Variants in PATL1 observed in about 807,000 individuals in gnomAD.
PATL1 encodes PAT1 homolog 1, processing body mRNA decay factor.
PATL1 carries 32 observed loss-of-function variants against 100.6 expected under a neutral mutation model. The ratio of observed to expected loss-of-function variants is 0.32; its 90% CI spans 0.24 to 0.43. The LOEUF is 0.43. Ranked by LOEUF, PATL1 falls within the 20% of genes least tolerant of loss-of-function variation. The probability of loss-of-function intolerance (pLI) is 1.00; values close to 1 mark genes in which losing one functional copy is unlikely to be tolerated. For synonymous variants in PATL1, 332 were observed against 330.0 expected (o/e 1.01, Z -0.07); for missense variants, 747 against 949.9 (o/e 0.79, Z 2.81).
intron 14 of PATL1, among the ~76,000 whole-genome samples, 185 bp downstream of exon 14, chr11:59,649,277 C>A (rs1482477455): frequency 6.6e-6 from 1 of 151,246 alleles, no homozygotes; most frequent in African/African-American, 2.4e-5. Flanking sequence ...CTTTTTTTTT[C>A]TTTCCTCACT....
chr11:59,663,219 ACCTATACTCT>A (rs1248415757), intron 2 of PATL1, among the ~76,000 whole-genome samples: 1 of 151,846 alleles, frequency 6.6e-6, no homozygotes, highest in Non-Finnish European at 1.5e-5. Flanking sequence ...TAACGAACTA[ACCTATACTCT>A]GATACGGGTT....
At position 59,655,512 on chromosome 11, in the gene PATL1, A is replaced by T; in HGVS notation, c.1031+11T>A. 1.3e-6 allele frequency: 2 copies of T among 1,547,098 alleles called. No homozygotes were observed. The highest frequency in any genetic ancestry group is 1.8e-6 in the Non-Finnish European group (2 of 1,142,198). On this transcript the variant is annotated intron_variant, in intron 8 of 18. Coordinates refer to ENST00000300146, the MANE Select transcript of PATL1 (RefSeq NM_152716.3). ...TGATAACTGATAAACAGTGGCGTTG[A>T]TTTTGTATACCTTAGGTTTTGCAGG...
At chr11:59,647,973 T>C (rs1861386958) in intron 14 of PATL1, 60 bp from the exon 15 acceptor site, 3 of 1,494,796 alleles carry the variant, frequency 2.0e-6, no homozygotes, top group Middle Eastern at 1.7e-4. Flanking sequence ...CCCTCATTTT[T>C]TTCCTCTTAG....
chr11:59,638,475 A>G, intron 18 of PATL1, 64 bp from the exon 19 acceptor site: 3 of 1,388,076 alleles, frequency 2.2e-6, no homozygotes, highest in Non-Finnish European at 3.0e-6. Context: ...GCAATCTTTC[A>G]TATTACAGTT....
chr11:59,664,824 C>T (rs1299557428), intron 2 of PATL1, among the ~76,000 whole-genome samples: 2 of 152,214 alleles, frequency 1.3e-5, no homozygotes, highest in Non-Finnish European at 2.9e-5. Context: ...CCTGCCTTGA[C>T]CTCCCAAAGT....
intron 8 of PATL1, among the ~76,000 whole-genome samples, chr11:59,654,726 T>G (rs1861500934): frequency 6.6e-6 from 1 of 152,190 alleles, no homozygotes; most frequent in South Asian, 2.1e-4. Context: ...AAGATATATG[T>G]GTGACAGTTA....
chr11:59,650,866 T>G, intron 12 of PATL1, 53 bp from the exon 13 acceptor site: 1 of 1,250,786 alleles, frequency 8.0e-7, no homozygotes, highest in Non-Finnish European at 1.1e-6. Context: ...TTAAAATAAT[T>G]TACCAAGTGC....
chr11:59,667,776 C>G (rs2134766417), intron 1 of PATL1, among the ~76,000 whole-genome samples: 1 of 152,312 alleles, frequency 6.6e-6, no homozygotes, highest in East Asian at 1.9e-4. Context: ...CCACCACATC[C>G]TAGGTGTGTT....
At chr11:59,657,501 T>A (rs983690696) in intron 5 of PATL1, 29 bp downstream of exon 5, 1 of 1,531,894 alleles carries the variant, frequency 6.5e-7, no homozygotes, top group African/African-American at 1.4e-5. Flanking sequence ...CCCAATATCC[T>A]GGGCTGTGTG....
In PATL1 at chr11:59,651,547, A is replaced by C; in HGVS notation, c.1521T>G (p.Asp507Glu). 4 of 1,606,184 alleles carry C rather than the reference A, an allele frequency of 2.5e-6. No individual in the cohort carries two copies. The highest frequency in any genetic ancestry group is 1.3e-5 in the African/African-American group (1 of 74,766). Residue 507 changes from aspartate to glutamate, a missense_variant, in exon 12 of 19, where the codon GAT (aspartate) becomes GAG (glutamate). This residue lies in a region of PATL1 where 434 missense variants were observed against 596.1 expected (regional missense o/e 0.73). Coordinates refer to ENST00000300146, the MANE Select transcript of PATL1 (RefSeq NM_152716.3). ...IDAVVTSRSE[D>E]DETKEKQVRD... is the part of the protein sequence containing the mutation. ...AGACAATTGTGTTGACACTTACATC[A>C]TCCTCACTCCGAGATGTCACAACAG...
chr11:59,654,150 A>G, intron 8 of PATL1, 78 bp from the exon 9 acceptor site: 2 of 1,232,988 alleles, frequency 1.6e-6, no homozygotes, highest in Non-Finnish European at 2.4e-6. Flanking sequence ...TCAGTAGAGG[A>G]TAACTTCATA....
At chr11:59,662,078 C>A (rs904905019) in intron 2 of PATL1, among the ~76,000 whole-genome samples, 1 of 152,112 alleles carries the variant, frequency 6.6e-6, no homozygotes, top group African/African-American at 2.4e-5. Context: ...AATTTTTAAT[C>A]ATACAACGAT....
chr11:59,643,184 T>C, intron 15 of PATL1, 149 bp from the exon 16 acceptor site: 1 of 825,548 alleles, frequency 1.2e-6, no homozygotes, highest in Non-Finnish European at 1.8e-6. Context: ...AATAATGAAT[T>C]CTAAGCTATC....
chr11:59,666,138 C>A (rs543408732), intron 2 of PATL1, among the ~76,000 whole-genome samples: 1 of 152,006 alleles, frequency 6.6e-6, no homozygotes, highest in East Asian at 2.0e-4. Flanking sequence ...CCCGGCTACT[C>A]GGGAGCCTGA....
intron 9 of PATL1, among the ~76,000 whole-genome samples, chr11:59,653,776 G>C (rs1052307562): frequency 1.3e-5 from 2 of 151,958 alleles, no homozygotes; most frequent in African/African-American, 2.4e-5. Context: ...GTGCCTTTTA[G>C]TTTTACATAA....
intron 15 of PATL1, among the ~76,000 whole-genome samples, chr11:59,646,965 A>C (rs1861373504): frequency 6.6e-6 from 1 of 152,136 alleles, no homozygotes; most frequent in South Asian, 2.1e-4. Context: ...CAAGCCTGTA[A>C]TCCCAGCACT....
At chr11:59,643,464 T>A (rs370776771) in intron 15 of PATL1, among the ~76,000 whole-genome samples, 1 of 151,176 alleles carries the variant, frequency 6.6e-6, no homozygotes, top group Non-Finnish European at 1.5e-5. Flanking sequence ...CACTCCAAGA[T>A]AGGTTAAAGG....
intron 9 of PATL1, 78 bp from the exon 10 acceptor site, chr11:59,653,096 AG>A: frequency 8.0e-6 from 9 of 1,129,158 alleles, no homozygotes; most frequent in South Asian, 2.2e-5. Flanking sequence ...AAACCAGGCC[AG>A]TTTTTTTTTT....
At position 59,638,348 on chromosome 11, in the gene PATL1, G is replaced by T. The variant is rs1861222671; in HGVS notation, c.*42C>A. The T allele has an allele frequency of 6.3e-7, 1 of 1,593,468 alleles. No homozygotes were observed. The highest frequency in any genetic ancestry group is 8.6e-7 in the Non-Finnish European group (1 of 1,162,746). ...CTCCATTGGTGATGGCAGCAGTGCA[G>T]GTGGCAGCCAAAAGGAGGTACAGGA... is the stretch of plus-strand genomic sequence containing the variant. On this transcript the variant is annotated 3_prime_UTR_variant, in exon 19 of 19. Transcript: ENST00000300146.
Sources: allele counts gnomAD v4.1 joint callset (sites outside exome capture counted in the v4.1 genomes callset), GRCh38; gene constraint gnomAD v4.1.1; regional missense constraint gnomAD v4.1.1; transcripts MANE v1.5; gene names NCBI Gene and HGNC (gene_info 2026-07-23, HGNC 2026-07-21).